RPF2: variants seen among roughly 807,000 people sequenced by gnomAD.
RPF2 encodes ribosome production factor 2 homolog.
Under a neutral mutation model 38.9 loss-of-function variants are expected in RPF2, and 21 were observed. That is an observed-to-expected ratio of 0.54 (90% CI 0.38 to 0.78). The LOEUF (loss-of-function observed/expected upper bound fraction) is 0.78, where lower values mean the gene tolerates loss of function less well. RPF2 is among the 30% of genes least tolerant of loss of function. The pLI is 0.00. For missense variants in RPF2, 314 were observed against 358.1 expected (o/e 0.88, Z 0.99); for synonymous variants, 121 against 126.2 (o/e 0.96, Z 0.28).
chr6:111,017,221 C>T (rs1171239646), intron 8 of RPF2, among the ~76,000 whole-genome samples: 3 of 152,162 alleles, frequency 2.0e-5, no homozygotes, highest in African/African-American at 7.2e-5. Context: ...GGGGTGGCGG[C>T]CGGGTAGAGG....
At chr6:111,023,328 T>C (rs766617734) in intron 8 of RPF2, among the ~76,000 whole-genome samples, 2 of 152,242 alleles carry the variant, frequency 1.3e-5, no homozygotes, top group Non-Finnish European at 2.9e-5. Flanking sequence ...TAAAGTTCAC[T>C]TCAATGTAAG....
At chr6:111,003,151 G>A (rs998646858) in intron 6 of RPF2, among the ~76,000 whole-genome samples, 13 of 148,534 alleles carry the variant, frequency 8.8e-5, no homozygotes, top group Non-Finnish European at 1.6e-4. Context: ...TTGGTTACAG[G>A]TTTATATTTT....
intron 1 of RPF2, among the ~76,000 whole-genome samples, chr6:110,983,352 T>A (rs563087158): frequency 4.3e-5 from 6 of 138,960 alleles, no homozygotes; most frequent in Admixed American, 2.8e-4. Context: ...CTTTAAAAAA[T>A]TTGTTTTTTT....
intron 8 of RPF2, among the ~76,000 whole-genome samples, chr6:111,018,220 A>G (rs112913531): frequency 3.8e-4 from 55 of 143,206 alleles, no homozygotes; most frequent in Non-Finnish European, 6.8e-4. Flanking sequence ...AGGGGGAGGG[A>G]GAGGGAGAGG....
At chr6:110,992,112 G>T (rs1771630663) in intron 4 of RPF2, among the ~76,000 whole-genome samples, 1 of 152,122 alleles carries the variant, frequency 6.6e-6, no homozygotes, top group African/African-American at 2.4e-5. Context: ...TTCAAGACCA[G>T]CCTGACCAAC....
intron 4 of RPF2, among the ~76,000 whole-genome samples, chr6:110,992,517 A>G (rs13203579): frequency 0.18 from 27,238 of 151,382 alleles, 3,206 homozygotes; most frequent in Admixed American, 0.31. Context: ...AGCTCAAGCA[A>G]TCCTCCTGCC....
chr6:110,995,537 G>A (rs753252244), intron 4 of RPF2, among the ~76,000 whole-genome samples: 1 of 151,974 alleles, frequency 6.6e-6, no homozygotes, highest in Non-Finnish European at 1.5e-5. Context: ...AAGGAGTAAA[G>A]AAAAATGGAG....
chr6:110,996,129 T>G (rs1339555127), intron 4 of RPF2, among the ~76,000 whole-genome samples: 1 of 151,594 alleles, frequency 6.6e-6, no homozygotes, highest in Non-Finnish European at 1.5e-5. Context: ...GATAAGTTTT[T>G]TTTTTTTTTT....
rs147058039 is a variant in RPF2 at position 111,025,702 on chromosome 6, C to T, written c.*120C>T. The stretch of plus-strand genomic sequence containing the variant: ...ATATTTTTATAACATGATAATTTTA[C>T]GATATATTATTATGAACAGTAATAT... On this transcript the variant is annotated 3_prime_UTR_variant, in exon 10 of 10. Coordinates refer to ENST00000441448, the MANE Select transcript of RPF2 (RefSeq NM_032194.3). 2.0e-4 allele frequency: 142 copies of T among 726,682 alleles called. No individual in the cohort carries two copies. The highest frequency in any genetic ancestry group is 1.9e-3 in the African/African-American group (108 of 56,334). The allele number at this position is 726,682 out of a possible 1,614,324, so 45.0% of individuals were successfully genotyped here.
At chr6:111,019,304 G>T (rs1285574407) in intron 8 of RPF2, among the ~76,000 whole-genome samples, 1 of 152,146 alleles carries the variant, frequency 6.6e-6, no homozygotes, top group Non-Finnish European at 1.5e-5. Flanking sequence ...GCTTGAGCCT[G>T]GGCCACACGC....
chr6:110,999,606 A>G, intron 5 of RPF2, 105 bp from the exon 6 acceptor site: 1 of 694,660 alleles, frequency 1.4e-6, no homozygotes, highest in Non-Finnish European at 2.6e-6. Flanking sequence ...TATAGGGAGA[A>G]AAAAGAGGCA....
chr6:110,991,801 C>T lies in RPF2; in HGVS notation c.234+15C>T, dbSNP rs75632207. On this transcript the variant is annotated intron_variant, in intron 4 of 9. Transcript: ENST00000441448. ...AGACATCACTGGTAAGTATAATAAT[C>T]TTTATGATTTAAGAAAGCATATAAG... 4 of 1,072,330 alleles carry T rather than the reference C, an allele frequency of 3.7e-6. No homozygotes were observed. Among genetic ancestry groups the T allele is most frequent in the Non-Finnish European group, 5.3e-6 (4 of 752,062 alleles). The allele number at this position is 1,072,330 out of a possible 1,614,324, so 66.4% of individuals were successfully genotyped here.
chr6:110,984,937 T>G, intron 1 of RPF2, 69 bp from the exon 2 acceptor site: 1 of 1,419,810 alleles, frequency 7.0e-7, no homozygotes, highest in Non-Finnish European at 9.5e-7. Flanking sequence ...ATTTTCATAT[T>G]AGTTAAGTCA....
chr6:110,999,938 T>A, intron 6 of RPF2, 151 bp downstream of exon 6: 1 of 530,516 alleles, frequency 1.9e-6, no homozygotes, highest in South Asian at 3.0e-5. Flanking sequence ...CAATTTTATT[T>A]TACCTTTCTT....
At chr6:110,994,075 G>A (rs539266391) in intron 4 of RPF2, among the ~76,000 whole-genome samples, 3 of 151,702 alleles carry the variant, frequency 2.0e-5, no homozygotes, top group Admixed American at 1.3e-4. Context: ...TCAGGAGTTC[G>A]AGACCAGCCT....
intron 2 of RPF2, among the ~76,000 whole-genome samples, chr6:110,988,112 A>G (rs1771554863): frequency 1.3e-5 from 2 of 152,146 alleles, no homozygotes; most frequent in African/African-American, 4.8e-5. Flanking sequence ...CTGAGATGGG[A>G]GGATCACCTG....
At chr6:111,018,083 C>T (rs1021299711) in intron 8 of RPF2, among the ~76,000 whole-genome samples, 3 of 151,996 alleles carry the variant, frequency 2.0e-5, no homozygotes, top group South Asian at 2.1e-4. Context: ...CGTGGCGGCG[C>T]GCGCCTGCAG....
Position 111,022,938 on chromosome 6 carries a change from G to A in RPF2, c.597-1245G>A, listed in dbSNP as rs368058993. On this transcript the variant is annotated intron_variant, in intron 8 of 9. Coordinates refer to ENST00000441448, the MANE Select transcript of RPF2 (RefSeq NM_032194.3). ...TTTTGAGACGGAGTCTCGCCCTGTCGCCCAGACTGGAGTGCAGTGGCGCGA... is the reference window on the plus strand; with the variant it reads ...TTTTGAGACGGAGTCTCGCCCTGTCACCCAGACTGGAGTGCAGTGGCGCGA... Among the ~76,000 whole-genome samples the A allele has an allele frequency of 3.7e-4, 57 of 152,148 alleles. 2 individuals are homozygous for A. The highest frequency in any genetic ancestry group is 3.9e-4 in the East Asian group (2 of 5,194).
chr6:110,994,734 T>TATACACAC (rs1436106936), intron 4 of RPF2, among the ~76,000 whole-genome samples: 91 of 134,140 alleles, frequency 6.8e-4, no homozygotes, highest in African/African-American at 2.7e-3. Flanking sequence ...TGAGTATATA[T>TATACACAC]ACACACACAC....
Sources: allele counts gnomAD v4.1 joint callset (sites outside exome capture counted in the v4.1 genomes callset), GRCh38; gene constraint gnomAD v4.1.1; transcripts MANE v1.5; gene names NCBI Gene and HGNC (gene_info 2026-07-23, HGNC 2026-07-21).